The following AVEN variants were observed in gnomAD, a reference collection of about 807,000 sequenced individuals.
AVEN encodes apoptosis and caspase activation inhibitor, also known as cell death regulator Aven.
A neutral mutation model predicts 38.1 loss-of-function variants in AVEN; 41 were observed. The ratio of observed to expected loss-of-function variants is 1.08; its 90% CI spans 0.84 to 1.40. The LOEUF is 1.40. AVEN is among the 40% of genes most tolerant of loss of function. The pLI, the probability that AVEN is intolerant of heterozygous loss-of-function variation, is 0.00. For synonymous variants in AVEN, 206 were observed against 171.8 expected, an observed-to-expected ratio of 1.20 and a Z score of -1.56; for missense variants, 605 against 438.8, an observed-to-expected ratio of 1.38 and a Z score of -3.38.
intron 1 of AVEN, among the ~76,000 whole-genome samples, chr15:34,038,204 TAC>T (rs1197840074): frequency 6.6e-6 from 1 of 152,198 alleles, no homozygotes; most frequent in African/African-American, 2.4e-5. Context: ...ACTACGCTAT[TAC>T]AAAGAACTAT....
intron 2 of AVEN, among the ~76,000 whole-genome samples, chr15:33,926,019 C>T (rs935286484): frequency 2.0e-5 from 3 of 152,102 alleles, no homozygotes; most frequent in Non-Finnish European, 2.9e-5. Flanking sequence ...TTTTCCAAGA[C>T]GCCATTTTCA....
Position 34,063,953 on chromosome 15 carries a change from A to G in AVEN, n.1127-521T>C, listed in dbSNP as rs1900438591. On this transcript the variant is annotated intron_variant and non_coding_transcript_variant, in intron 4 of 11. Transcript: ENST00000675287. The surrounding 1 kb of genome is among the most constrained non-coding windows in gnomAD (Gnocchi z 4.1). ...CCTGCCCCTTCCCAGTGGCCAAGGA[A>G]CCTTCAACGAAAGGCCTCAATCCCA... The G allele has an allele frequency of 1.2e-6, 2 of 1,614,134 alleles. No individual in the cohort carries two copies. The highest frequency in any genetic ancestry group is 2.2e-5 in the East Asian group (1 of 44,872).
chr15:33,926,511 T>C (rs905574484), intron 2 of AVEN, among the ~76,000 whole-genome samples: 2 of 152,118 alleles, frequency 1.3e-5, no homozygotes, highest in Non-Finnish European at 2.9e-5. Context: ...AGATTTCTCC[T>C]CTTTAAAATG....
intron 2 of AVEN, among the ~76,000 whole-genome samples, chr15:33,925,606 A>T (rs77572379): frequency 0.058 from 8,768 of 152,240 alleles, 406 homozygotes; most frequent in African/African-American, 0.12. Context: ...ACTTAAAAGT[A>T]ATTCCTGCCC....
At position 33,924,527 on chromosome 15, in the gene AVEN, GC is replaced by G. The variant is rs530761141; in HGVS notation, c.446-48533del. On this transcript the variant is annotated intron_variant, in intron 2 of 5. Coordinates refer to ENST00000306730, the MANE Select transcript of AVEN (RefSeq NM_020371.3). ...TGTAGAGACAGGGTTTTGCCATGTT[GC>G]CCAGACTGGTCTTCAACACCTGGGC... Among the ~76,000 whole-genome samples, 8 of 152,140 alleles carry G rather than the reference GC, an allele frequency of 5.3e-5. No individual in the cohort carries two copies. The South Asian group carries it at 1.7e-3, about 32-fold the overall frequency.
chr15:33,886,671 G>A (rs922276502), intron 2 of AVEN, among the ~76,000 whole-genome samples: 1 of 152,160 alleles, frequency 6.6e-6, no homozygotes, highest in Non-Finnish European at 1.5e-5. Context: ...CTTCCACCAT[G>A]ACTGTAAGTT....
At chr15:33,890,892 G>C (rs545532383) in intron 2 of AVEN, among the ~76,000 whole-genome samples, 4 of 152,250 alleles carry the variant, frequency 2.6e-5, no homozygotes, top group East Asian at 3.9e-4. Flanking sequence ...AGGATCATGA[G>C]AGCCCTGAAA....
rs1160936934 is a variant in AVEN, at chr15:33,867,554, T to C, written c.914A>G (p.Asp305Gly). 1.9e-6 allele frequency: 3 copies of C among 1,613,182 alleles called. No individual in the cohort carries two copies. The highest frequency in any genetic ancestry group is 2.2e-5 in the East Asian group (1 of 44,884). ...GGATTTCAGGTCCTGAGACGTCTGATCTGGTAAGATGTTATCTCCCTCTTT... is the reference window on the plus strand; with the variant it reads ...GGATTTCAGGTCCTGAGACGTCTGACCTGGTAAGATGTTATCTCCCTCTTT... ...PIKEGDNILP[D>G]QTSQDLKSKE... The change falls in exon 5 of 6, where the codon GAT (aspartate) becomes GGT (glycine). Residue 305 changes from aspartate (D) to glycine (G), a missense_variant. Coordinates refer to ENST00000306730, the MANE Select transcript of AVEN (RefSeq NM_020371.3).
intron 2 of AVEN, among the ~76,000 whole-genome samples, chr15:33,900,119 T>TC (rs764190001): frequency 1.3e-5 from 2 of 152,090 alleles, no homozygotes; most frequent in Non-Finnish European, 2.9e-5. Context: ...TCTTTCCTCT[T>TC]CTTCTCTCTA....
intron 2 of AVEN, among the ~76,000 whole-genome samples, chr15:33,918,126 A>G (rs1893225806): frequency 6.6e-6 from 1 of 152,176 alleles, no homozygotes; most frequent in African/African-American, 2.4e-5. Flanking sequence ...ATAATGAAAT[A>G]TGCAACAAAG....
At chr15:33,898,114 G>C (rs1597208020) in intron 2 of AVEN, among the ~76,000 whole-genome samples, 1 of 151,642 alleles carries the variant, frequency 6.6e-6, no homozygotes, top group South Asian at 2.1e-4. Context: ...GCGTGAACCA[G>C]GGAGGCAAAG....
At chr15:33,949,230 G>A (rs1009616445) in intron 2 of AVEN, among the ~76,000 whole-genome samples, 1 of 151,924 alleles carries the variant, frequency 6.6e-6, no homozygotes, top group Non-Finnish European at 1.5e-5. Flanking sequence ...ATTTCACCGT[G>A]TTAGCCAGGA....
intron 5 of AVEN, among the ~76,000 whole-genome samples, chr15:34,048,222 T>TG (rs1019854630): frequency 6.6e-6 from 1 of 151,386 alleles, no homozygotes; most frequent in Non-Finnish European, 1.5e-5. Context: ...CCTCACTGGG[T>TG]GGGATCTCCC....
intron 2 of AVEN, among the ~76,000 whole-genome samples, chr15:33,961,632 T>G (rs532825829): frequency 1.6e-3 from 235 of 151,192 alleles, no homozygotes; most frequent in Non-Finnish European, 2.4e-3. Flanking sequence ...GCTAACACGG[T>G]GAAACCCCGT....
At position 33,959,538 on chromosome 15, in the gene AVEN, C is replaced by G. The variant is rs114283585; in HGVS notation, c.445+43494G>C. ...CACCACACTCTTGAACCCCCAGACTCTACCTAGGGGCAGAGGGAGGCCCCC... is the reference window on the plus strand; with the variant it reads ...CACCACACTCTTGAACCCCCAGACTGTACCTAGGGGCAGAGGGAGGCCCCC... On this transcript the variant is annotated intron_variant, in intron 2 of 5. Coordinates refer to ENST00000306730, the MANE Select transcript of AVEN (RefSeq NM_020371.3). 9.5e-3 allele frequency among the ~76,000 whole-genome samples: 1,446 copies of G among 152,262 alleles called. 19 individuals are homozygous for G. Among genetic ancestry groups the G allele is most frequent in the African/African-American group, 0.026 (1,059 of 41,526 alleles).
At chr15:33,904,739 G>A (rs1051340654) in intron 2 of AVEN, among the ~76,000 whole-genome samples, 28 of 98,530 alleles carry the variant, frequency 2.8e-4, no homozygotes, top group African/African-American at 4.5e-4. Context: ...GAATATGCAC[G>A]CTTGCACACA....
At chr15:33,890,330 G>A (rs899992723) in intron 2 of AVEN, among the ~76,000 whole-genome samples, 2 of 152,116 alleles carry the variant, frequency 1.3e-5, no homozygotes, top group African/African-American at 2.4e-5. Context: ...TGACTGGTGC[G>A]GTGCCTGGCA....
intron 2 of AVEN, among the ~76,000 whole-genome samples, chr15:34,002,709 T>C (rs1256492403): frequency 1.3e-5 from 2 of 152,194 alleles, no homozygotes; most frequent in African/African-American, 4.8e-5. Flanking sequence ...AAGGAATGTT[T>C]CCTCCAATAT....
downstream of AVEN, chr15:33,864,329 CAAT>C: frequency 3.1e-6 from 2 of 645,194 alleles, no homozygotes; most frequent in Non-Finnish European, 5.3e-6. Flanking sequence ...TTTTGTGACT[CAAT>C]AAGAAGCCAA....
Sources: allele counts gnomAD v4.1 joint callset (sites outside exome capture counted in the v4.1 genomes callset), GRCh38; gene constraint gnomAD v4.1.1; non-coding constraint Gnocchi (gnomAD v3.1); transcripts MANE v1.5; gene names NCBI Gene and HGNC (gene_info 2026-07-23, HGNC 2026-07-21).